ABCA13: variants seen among roughly 807,000 people sequenced by gnomAD.
ABCA13 encodes ATP-binding cassette sub-family A member 13.
In ABCA13, 476 loss-of-function variants were observed where a neutral mutation model predicts 478.7. The observed-to-expected ratio is 0.99, with a 90% CI of 0.92 to 1.07. The LOEUF is 1.07. Ranked by LOEUF, ABCA13 falls within the 50% of genes least tolerant of loss-of-function variation. The probability of loss-of-function intolerance (pLI) is 0.00; values close to 1 mark genes in which losing one functional copy is unlikely to be tolerated. For missense variants in ABCA13, 6,060 were observed against 5,910.6 expected, an observed-to-expected ratio of 1.03 and a Z score of -0.83; for synonymous variants, 2,252 against 2,158.9, an observed-to-expected ratio of 1.04 and a Z score of -1.20.
chr7:48,183,881 C>T (rs2128876264), intron 1 of ABCA13, among the ~76,000 whole-genome samples: 1 of 152,276 alleles, frequency 6.6e-6, no homozygotes. Flanking sequence ...GACCATTGAG[C>T]ATACCTCTTG....
chr7:48,437,501 TTA>T (rs966264540), intron 42 of ABCA13, among the ~76,000 whole-genome samples: 1 of 152,050 alleles, frequency 6.6e-6, no homozygotes, highest in Admixed American at 6.6e-5. Flanking sequence ...TATATATTAT[TTA>T]TATATTGCTT....
intron 23 of ABCA13, among the ~76,000 whole-genome samples, chr7:48,301,976 A>G (rs1282098568): frequency 6.6e-6 from 1 of 152,212 alleles, no homozygotes; most frequent in Non-Finnish European, 1.5e-5. Flanking sequence ...TTATTTGCTC[A>G]TTAGGAATTC....
chr7:48,219,805 C>G (rs1206529664), intron 4 of ABCA13, among the ~76,000 whole-genome samples: 1 of 151,896 alleles, frequency 6.6e-6, no homozygotes, highest in Non-Finnish European at 1.5e-5. Context: ...TCTGCCTACT[C>G]CTTTACACTC....
At chr7:48,192,868 C>T in intron 1 of ABCA13, 91 bp from the exon 2 acceptor site, 1 of 957,980 alleles carries the variant, frequency 1.0e-6, no homozygotes, top group Non-Finnish European at 1.5e-6. Context: ...AGACACACAG[C>T]AGGGATTAAA....
At chr7:48,379,441 C>G (rs1814001396) in intron 35 of ABCA13, among the ~76,000 whole-genome samples, 2 of 151,668 alleles carry the variant, frequency 1.3e-5, no homozygotes, top group South Asian at 4.2e-4. Flanking sequence ...AAACTACCTG[C>G]ATATGAGTCT....
At chr7:48,411,629 G>A (rs1819256440) in intron 40 of ABCA13, among the ~76,000 whole-genome samples, 1 of 152,060 alleles carries the variant, frequency 6.6e-6, no homozygotes, top group South Asian at 2.1e-4. Context: ...TTTTGACAAC[G>A]ATATTACCCT....
intron 20 of ABCA13, among the ~76,000 whole-genome samples, chr7:48,291,281 C>G (rs1170835887): frequency 6.6e-6 from 1 of 152,192 alleles, no homozygotes; most frequent in Non-Finnish European, 1.5e-5. Context: ...CCCTTGAGCC[C>G]TGTCACACGT....
In ABCA13 at chr7:48,354,095, G is replaced by GGGTGTTTGCATT. The variant is rs1307655141; in HGVS notation, c.10688+1608_10688+1609insGGTGTTTGCATT. 2.6e-5 allele frequency among the ~76,000 whole-genome samples: 4 copies of GGGTGTTTGCATT among 152,102 alleles called. No individual in the cohort carries two copies. In the East Asian group the frequency reaches 5.8e-4, roughly 22 times the overall value. ...TCATACCCAGTGCAAACACCTGAGA[G>GGGTGTTTGCATT]CTCTGAGAATTAGTGATCTGTGTTA... On this transcript the variant is annotated intron_variant, in intron 31 of 61. Transcript: ENST00000435803.
chr7:48,443,377 C>T (rs1823882997), intron 42 of ABCA13, among the ~76,000 whole-genome samples: 1 of 152,200 alleles, frequency 6.6e-6, no homozygotes, highest in African/African-American at 2.4e-5. Context: ...GTTCATGCCA[C>T]TTGACTTGAT....
chr7:48,490,754 G>C (rs1479321812), intron 48 of ABCA13, among the ~76,000 whole-genome samples: 1 of 152,200 alleles, frequency 6.6e-6, no homozygotes, highest in East Asian at 1.9e-4. Flanking sequence ...ATCAAATGCT[G>C]CTTGGCTTTG....
chr7:48,352,391 T>A lies in ABCA13; in HGVS notation c.10592T>A (p.Ile3531Asn), dbSNP rs367810264. The A allele has an allele frequency of 6.8e-6, 11 of 1,613,400 alleles. No individual in the cohort carries two copies. The African/African-American group carries it at 1.5e-4, about 22-fold the overall frequency. The change falls in exon 31 of 62, where the codon ATC becomes AAC. Residue 3531 changes from isoleucine (I) to asparagine (N), a missense_variant. By Grantham distance (149) the Ile-to-Asn change is moderately radical. Coordinates refer to ENST00000435803, the MANE Select transcript of ABCA13 (RefSeq NM_152701.5). Reference protein sequence around the residue: ...NYVFAPLQDMIERAIILVQTG... With the variant: ...NYVFAPLQDMNERAIILVQTG... Reference sequence around the variant, plus strand: ...GTCTTTGCCCCACTGCAAGACATGATCGAAAGAGCCATCATTTTGGTGCAG... The same window carrying A: ...GTCTTTGCCCCACTGCAAGACATGAACGAAAGAGCCATCATTTTGGTGCAG...
At chr7:48,329,713 CCATCCATCCATCCATT>C (rs1804915654) in intron 27 of ABCA13, among the ~76,000 whole-genome samples, 2 of 152,154 alleles carry the variant, frequency 1.3e-5, no homozygotes, top group South Asian at 2.1e-4. Flanking sequence ...GTCCATCCAA[CCATCCATCCATCCATT>C]CATCCATCCA....
At chr7:48,423,423 T>C (rs1287526698) in intron 41 of ABCA13, among the ~76,000 whole-genome samples, 1 of 152,196 alleles carries the variant, frequency 6.6e-6, no homozygotes, top group Admixed American at 6.5e-5. Context: ...AAAAGTACCT[T>C]GCACTGACCA....
intron 3 of ABCA13, among the ~76,000 whole-genome samples, chr7:48,200,998 G>T (rs947977492): frequency 1.4e-5 from 2 of 148,010 alleles, no homozygotes; most frequent in Non-Finnish European, 3.0e-5. Context: ...AAGAGAATAA[G>T]AGTTCAAAGG....
chr7:48,596,723 G>C (rs555027415), intron 58 of ABCA13, among the ~76,000 whole-genome samples: 1 of 151,680 alleles, frequency 6.6e-6, no homozygotes, highest in Admixed American at 6.6e-5. Flanking sequence ...TCATGAGACC[G>C]GGAGGTGGAG....
At chr7:48,547,684 C>A (rs1383493428) in intron 55 of ABCA13, among the ~76,000 whole-genome samples, 2 of 151,866 alleles carry the variant, frequency 1.3e-5, no homozygotes, top group Non-Finnish European at 2.9e-5. Flanking sequence ...GAGTACCATA[C>A]TTTGGGTACC....
In ABCA13 at chr7:48,278,258, C is replaced by T. The variant is rs1438600872; in HGVS notation, c.7064C>T (p.Thr2355Ile). The part of the protein sequence containing the change: ...ILDNGEFYFD[T>I]HQGLKFMQDL... ...GACAATGGAGAATTTTATTTTGATA[C>T]TCATCAAGGACTGAAGTTCATGCAA... The change falls in exon 18 of 62, where the codon ACT becomes ATT. Residue 2355 changes from threonine to isoleucine, a missense_variant. Physicochemically the swap from Thr to Ile is moderately conservative, Grantham distance 89. This residue lies in a region of ABCA13 where 4,423 missense variants were observed against 4,309.1 expected (regional missense o/e 1.03). Transcript: ENST00000435803. 15 of 1,610,868 alleles carry T rather than the reference C, an allele frequency of 9.3e-6. No individual in the cohort carries two copies. Among genetic ancestry groups the T allele is most frequent in the African/African-American group, 1.3e-5 (1 of 74,722 alleles).
chr7:48,426,969 G>C (rs779605732), intron 41 of ABCA13, among the ~76,000 whole-genome samples: 2 of 152,148 alleles, frequency 1.3e-5, no homozygotes, highest in Non-Finnish European at 2.9e-5. Context: ...GCCAAGAGTG[G>C]AACTCCAGCA....
intron 15 of ABCA13, among the ~76,000 whole-genome samples, chr7:48,255,400 C>T (rs546877917): frequency 6.6e-6 from 1 of 152,208 alleles, no homozygotes; most frequent in South Asian, 2.1e-4. Context: ...ATGTGATGAT[C>T]CCATCACCCA....
Sources: allele counts gnomAD v4.1 joint callset (sites outside exome capture counted in the v4.1 genomes callset), GRCh38; gene constraint gnomAD v4.1.1; regional missense constraint gnomAD v4.1.1; transcripts MANE v1.5; gene names NCBI Gene and HGNC (gene_info 2026-07-23, HGNC 2026-07-21).